GALNT13: variants seen among roughly 807,000 people sequenced by gnomAD.
GALNT13 encodes the protein polypeptide N-acetylgalactosaminyltransferase 13.
A neutral mutation model predicts 64.2 loss-of-function variants in GALNT13; 28 were observed. That is an observed-to-expected ratio of 0.44 (90% CI 0.32 to 0.60). GALNT13 has a LOEUF of 0.60. GALNT13 is among the 20% of genes least tolerant of loss of function. GALNT13 has a pLI of 0.05. For synonymous variants in GALNT13, 214 were observed against 224.6 expected (o/e 0.95, Z 0.42); for missense variants, 577 against 669.8 (o/e 0.86, Z 1.53).
At chr2:154,019,477 G>T (rs1029779357) in intron 3 of GALNT13, among the ~76,000 whole-genome samples, 2 of 151,662 alleles carry the variant, frequency 1.3e-5, no homozygotes, top group African/African-American at 2.4e-5. Context: ...TACTAAAAAT[G>T]CAAAAAATTA....
chr2:154,130,221 T>C (rs1682531103), intron 3 of GALNT13, among the ~76,000 whole-genome samples: 1 of 152,026 alleles, frequency 6.6e-6, no homozygotes, highest in Admixed American at 6.6e-5. Context: ...ACTATGGAAA[T>C]AAATGCCTTG....
chr2:154,093,342 G>A (rs1701910613), intron 3 of GALNT13, among the ~76,000 whole-genome samples: 1 of 151,902 alleles, frequency 6.6e-6, no homozygotes, highest in Non-Finnish European at 1.5e-5. Flanking sequence ...ATTAATGTTT[G>A]GAGTAAAGAG....
At chr2:153,417,144 G>A in the GALNT13 span, among the ~76,000 whole-genome samples, 3 of 152,152 alleles carry the variant, frequency 2.0e-5, no homozygotes, top group Non-Finnish European at 4.4e-5. Flanking sequence ...GGTAGGAGAA[G>A]AAAAGAGACA....
the GALNT13 span, among the ~76,000 whole-genome samples, chr2:153,132,660 AT>A: frequency 6.6e-6 from 1 of 152,154 alleles, no homozygotes; most frequent in South Asian, 2.1e-4. Context: ...AGCCAAGCAC[AT>A]TTTTAGTTGG....
At chr2:154,205,486 A>G (rs1321624632) in intron 4 of GALNT13, among the ~76,000 whole-genome samples, 2 of 152,250 alleles carry the variant, frequency 1.3e-5, no homozygotes, top group African/African-American at 4.8e-5. Context: ...CATGAATTAT[A>G]TATTGAAATG....
chr2:154,022,736 A>G (rs1697614509), intron 3 of GALNT13, among the ~76,000 whole-genome samples: 1 of 152,080 alleles, frequency 6.6e-6, no homozygotes, highest in Non-Finnish European at 1.5e-5. Context: ...GCCTTCTCCT[A>G]GCTTCTGAAT....
chr2:154,286,991 T>C lies in GALNT13; in HGVS notation c.976-14418T>C, dbSNP rs888450423. On this transcript the variant is annotated intron_variant, in intron 8 of 12. Transcript: ENST00000392825. ...ACCCTCAAGTCAGTGGTGGCTCACT[T>C]TGATGCAGGAGAACTGATCACCCAA... The C allele has an allele frequency of 5.4e-5, 31 of 574,162 alleles. No homozygotes were observed. The Admixed American group carries it at 7.3e-4, about 14-fold the overall frequency. 35.6% of individuals were successfully genotyped at this position (574,162 alleles called of 1,614,324 possible).
chr2:153,647,846 C>T, the GALNT13 span, among the ~76,000 whole-genome samples: 4,682 of 152,206 alleles, frequency 0.031, 111 homozygotes, highest in Middle Eastern at 0.058. Flanking sequence ...GGTACCAGTA[C>T]CATGCTGTTT....
chr2:153,987,806 G>A (rs1323372772), intron 3 of GALNT13, among the ~76,000 whole-genome samples: 2 of 151,566 alleles, frequency 1.3e-5, no homozygotes, highest in Non-Finnish European at 2.9e-5. Context: ...TTGCAGAGAA[G>A]GATGCTATGA....
the GALNT13 span, among the ~76,000 whole-genome samples, chr2:153,418,107 G>C: frequency 6.6e-6 from 1 of 152,128 alleles, no homozygotes; most frequent in Non-Finnish European, 1.5e-5. Flanking sequence ...TATCCAGGTG[G>C]ACCCAATGTA....
intron 9 of GALNT13, among the ~76,000 whole-genome samples, chr2:154,304,612 G>A (rs1693631422): frequency 2.0e-5 from 3 of 152,118 alleles, no homozygotes; most frequent in Admixed American, 2.0e-4. Context: ...GATAAATGAT[G>A]GAACCATTTC....
the GALNT13 span, among the ~76,000 whole-genome samples, chr2:153,261,353 C>T: frequency 1.3e-5 from 2 of 152,132 alleles, no homozygotes; most frequent in Non-Finnish European, 2.9e-5. Context: ...TTTTCGAGGA[C>T]ATTCCAGGTA....
the GALNT13 span, among the ~76,000 whole-genome samples, chr2:153,721,637 CA>C: frequency 1.3e-5 from 2 of 149,500 alleles, no homozygotes; most frequent in African/African-American, 2.5e-5. Context: ...CAATGGAAAA[CA>C]AAAAAAGGCA....
the GALNT13 span, among the ~76,000 whole-genome samples, chr2:153,775,190 C>A: frequency 6.6e-6 from 1 of 151,954 alleles, no homozygotes; most frequent in Non-Finnish European, 1.5e-5. Flanking sequence ...CTTTAGGACA[C>A]CTAATATATC....
chr2:153,199,744 C>A, the GALNT13 span, among the ~76,000 whole-genome samples: 1 of 152,046 alleles, frequency 6.6e-6, no homozygotes, highest in African/African-American at 2.4e-5. Context: ...AGTAAATTTA[C>A]CAGAAAAGCA....
intron 4 of GALNT13, among the ~76,000 whole-genome samples, chr2:154,179,926 G>A (rs1021379916): frequency 2.0e-5 from 3 of 152,016 alleles, no homozygotes; most frequent in Non-Finnish European, 4.4e-5. Flanking sequence ...ACTCAGGGAG[G>A]CAGATGTTTT....
At chr2:153,488,761 C>T in the GALNT13 span, among the ~76,000 whole-genome samples, 1 of 152,158 alleles carries the variant, frequency 6.6e-6, no homozygotes, top group Non-Finnish European at 1.5e-5. Context: ...GTTTGACTGC[C>T]TCCCCTCCAA....
chr2:154,445,182 G>T (rs1372749865), intron 12 of GALNT13, among the ~76,000 whole-genome samples: 4 of 151,882 alleles, frequency 2.6e-5, no homozygotes, highest in South Asian at 2.1e-4. Flanking sequence ...GAAGTACCTG[G>T]AATGAAACTT....
At chr2:153,340,212 C>A in the GALNT13 span, among the ~76,000 whole-genome samples, 1 of 152,016 alleles carries the variant, frequency 6.6e-6, no homozygotes, top group Non-Finnish European at 1.5e-5. Flanking sequence ...AATATTAATT[C>A]TTCTAATCCA....
Sources: gnomAD v4.1 joint callset for allele counts (sites outside exome capture counted in the v4.1 genomes callset) on GRCh38, gnomAD v4.1.1 for gene constraint, MANE v1.5 for transcripts, NCBI Gene and HGNC (gene_info 2026-07-23, HGNC 2026-07-21) for gene names.